NDUFA10: variants seen among roughly 807,000 people sequenced by gnomAD.
NDUFA10 encodes the protein NADH dehydrogenase [ubiquinone] 1 alpha subcomplex subunit 10, mitochondrial.
NDUFA10 carries 40 observed loss-of-function variants against 47.8 expected under a neutral mutation model. The ratio of observed to expected loss-of-function variants is 0.84; its 90% CI spans 0.65 to 1.09. The LOEUF (loss-of-function observed/expected upper bound fraction) is 1.09, where lower values mean the gene tolerates loss of function less well. NDUFA10 is among the 50% of genes least tolerant of loss of function. The pLI is 0.00. For synonymous variants in NDUFA10, 183 were observed against 172.2 expected (o/e 1.06, Z -0.49); for missense variants, 413 against 451.1 (o/e 0.92, Z 0.76).
In NDUFA10 at chr2:239,990,061, T is replaced by C. The variant is rs754831388; in HGVS notation, c.999+13A>G. The C allele has an allele frequency of 1.9e-6, 3 of 1,583,244 alleles. No individual in the cohort carries two copies. The East Asian group carries it at 6.7e-5, about 35-fold the overall frequency. On this transcript the variant is annotated intron_variant, in intron 9 of 9. Coordinates refer to ENST00000252711, the MANE Select transcript of NDUFA10 (RefSeq NM_004544.4). ...CATCCACTGGCCAGCTTTCTCCATTTCCACAGTCTTACCTCTCTGAACTGA... is the reference window on the plus strand; with the variant it reads ...CATCCACTGGCCAGCTTTCTCCATTCCCACAGTCTTACCTCTCTGAACTGA...
At chr2:239,943,120 C>T (rs1316881129) in intron 4 of NDUFA10, 1 of 154,414 alleles carries the variant, frequency 6.5e-6, no homozygotes, top group Admixed American at 6.5e-5. Flanking sequence ...CCTGGAGCCT[C>T]CACTTCTTAC....
intron 1 of NDUFA10, among the ~76,000 whole-genome samples, chr2:240,023,199 A>C (rs1271598349): frequency 6.6e-6 from 1 of 152,234 alleles, no homozygotes; most frequent in Non-Finnish European, 1.5e-5. Flanking sequence ...CAAACTGAAG[A>C]AGTTCAACAG....
rs913431265 is a variant in NDUFA10 at position 240,016,358 on chromosome 2, G to A, written c.548-1498C>T. On this transcript the variant is annotated intron_variant, in intron 4 of 9. Transcript: ENST00000252711. This position sits in a 1 kb window ranked among gnomAD's most constrained non-coding sequence, Gnocchi z 4.4. ...TGCTGAGGTGAAACCTCCCTTCACC[G>A]AGTCTGCTCTCACCCTGCTTCCCAC... Among the ~76,000 whole-genome samples the A allele has an allele frequency of 2.6e-4, 40 of 152,158 alleles. No individual in the cohort carries two copies. Among genetic ancestry groups the A allele is most frequent in the African/African-American group, 8.9e-4 (37 of 41,424 alleles).
At chr2:239,949,863 C>G (rs1212394616) in intron 4 of NDUFA10, among the ~76,000 whole-genome samples, 1 of 152,176 alleles carries the variant, frequency 6.6e-6, no homozygotes, top group East Asian at 1.9e-4. Context: ...AGCTTGCAGA[C>G]AGCAGATCTT....
chr2:239,993,894 C>G (rs1356668607), intron 8 of NDUFA10, among the ~76,000 whole-genome samples: 1 of 152,030 alleles, frequency 6.6e-6, no homozygotes, highest in African/African-American at 2.4e-5. Flanking sequence ...GAACAGACGG[C>G]AGGAGGGAAG....
chr2:240,001,218 T>C (rs903502917), intron 8 of NDUFA10, among the ~76,000 whole-genome samples: 1 of 152,200 alleles, frequency 6.6e-6, no homozygotes, highest in African/African-American at 2.4e-5. Context: ...GAATTGAGGA[T>C]AATTAATGTA....
chr2:239,892,510 C>T (rs975792900), exon 6 of NDUFA10: 5 of 152,196 alleles, frequency 3.3e-5, no homozygotes, highest in Non-Finnish European at 5.9e-5. Context: ...TGGGTGAGGA[C>T]TTTTGGTTGC....
At chr2:239,994,105 A>G (rs1168267763) in intron 8 of NDUFA10, among the ~76,000 whole-genome samples, 1 of 151,986 alleles carries the variant, frequency 6.6e-6, no homozygotes, top group East Asian at 1.9e-4. Context: ...TTTCCGAAAC[A>G]CCTTCCAGAC....
chr2:239,946,820 G>A (rs540418042), intron 4 of NDUFA10, among the ~76,000 whole-genome samples: 2 of 152,384 alleles, frequency 1.3e-5, no homozygotes, highest in African/African-American at 2.4e-5. Context: ...AAGGCTACAA[G>A]CACAAGCTCT....
chr2:239,956,244 T>C (rs909330836), downstream of NDUFA10, among the ~76,000 whole-genome samples: 2 of 152,096 alleles, frequency 1.3e-5, no homozygotes, highest in African/African-American at 2.4e-5. Flanking sequence ...CCACCATACA[T>C]GCAAGACGCA....
intron 4 of NDUFA10, among the ~76,000 whole-genome samples, chr2:239,918,297 G>A (rs1574778033): frequency 1.3e-5 from 2 of 152,200 alleles, no homozygotes; most frequent in East Asian, 1.9e-4. Flanking sequence ...AGGCCAGGGA[G>A]GCCCTCACCA....
At chr2:240,018,280 G>C in intron 4 of NDUFA10, 1 of 846,822 alleles carries the variant, frequency 1.2e-6, no homozygotes, top group Non-Finnish European at 1.8e-6. Context: ...GGAGGCTGTG[G>C]GGGCTGCACT....
chr2:239,963,417 C>T (rs1449549415), intron 9 of NDUFA10, among the ~76,000 whole-genome samples: 1 of 152,054 alleles, frequency 6.6e-6, no homozygotes, highest in African/African-American at 2.4e-5. Flanking sequence ...AAGAGAGGGA[C>T]GTGACTTTCT....
intron 4 of NDUFA10, among the ~76,000 whole-genome samples, chr2:239,901,827 T>A (rs1281993318): frequency 6.6e-6 from 1 of 151,848 alleles, no homozygotes; most frequent in Non-Finnish European, 1.5e-5. Context: ...ATTCCAACCC[T>A]CATAGGTGAC....
chr2:240,011,762 T>C, intron 5 of NDUFA10, 66 bp from the exon 6 acceptor site: 1 of 1,386,796 alleles, frequency 7.2e-7, no homozygotes, highest in Non-Finnish European at 1.0e-6. Context: ...CCTGTGCGTA[T>C]ATAAAATGCG....
intron 5 of NDUFA10, chr2:240,012,071 T>C (rs1000759868): frequency 6.0e-6 from 2 of 336,116 alleles, no homozygotes; most frequent in African/African-American, 4.3e-5. Context: ...CTGTCCGCCA[T>C]CTGTCCTCAG....
intron 4 of NDUFA10, among the ~76,000 whole-genome samples, chr2:239,920,916 C>A (rs1226693014): frequency 6.6e-6 from 1 of 152,066 alleles, no homozygotes; most frequent in African/African-American, 2.4e-5. Context: ...TCTGAGTCTC[C>A]CCAGGTGGGC....
At chr2:239,972,462 T>C (rs1035658103) in intron 9 of NDUFA10, among the ~76,000 whole-genome samples, 1 of 152,088 alleles carries the variant, frequency 6.6e-6, no homozygotes, top group African/African-American at 2.4e-5. Flanking sequence ...TTTTCCATTA[T>C]AACATATAAA....
intron 9 of NDUFA10, among the ~76,000 whole-genome samples, chr2:239,977,192 G>C (rs1235923368): frequency 2.0e-5 from 3 of 152,168 alleles, no homozygotes; most frequent in African/African-American, 4.8e-5. Context: ...CTTCCTAACA[G>C]TAACGAAGGC....
Sources: allele counts gnomAD v4.1 joint callset (sites outside exome capture counted in the v4.1 genomes callset), GRCh38; gene constraint gnomAD v4.1.1; non-coding constraint Gnocchi (gnomAD v3.1); transcripts MANE v1.5; gene names NCBI Gene and HGNC (gene_info 2026-07-23, HGNC 2026-07-21).